GRM5: variants seen among roughly 807,000 people sequenced by gnomAD.
GRM5 encodes the protein metabotropic glutamate receptor 5.
In GRM5, 19 loss-of-function variants were observed where a neutral mutation model predicts 83.1. That is an observed-to-expected ratio of 0.23 (90% CI 0.16 to 0.34). The LOEUF is 0.34. Among genes scored for constraint, GRM5 ranks in the 10% least tolerant of loss-of-function variants. The pLI, the probability that GRM5 is intolerant of heterozygous loss-of-function variation, is 1.00. For missense variants in GRM5, 1,160 were observed against 1,588.3 expected (o/e 0.73, Z 4.58); for synonymous variants, 675 against 633.6 (o/e 1.07, Z -0.98).
chr11:88,665,162 TACAC>T (rs1214459891), intron 3 of GRM5, among the ~76,000 whole-genome samples: 2 of 140,910 alleles, frequency 1.4e-5, no homozygotes, highest in Non-Finnish European at 3.1e-5. Flanking sequence ...TTAATTTATT[TACAC>T]ACACACACAC....
chr11:88,578,757 A>G (rs1943166422), intron 7 of GRM5, among the ~76,000 whole-genome samples: 1 of 152,188 alleles, frequency 6.6e-6, no homozygotes, highest in Non-Finnish European at 1.5e-5. Context: ...TTTAGAATTT[A>G]TCAATGTGTA....
intron 2 of GRM5, among the ~76,000 whole-genome samples, chr11:88,864,206 G>A (rs1441808717): frequency 4.0e-5 from 6 of 150,438 alleles, no homozygotes; most frequent in East Asian, 2.0e-4. Flanking sequence ...GGGAGGGCAA[G>A]TAGGCTAAGA....
intron 2 of GRM5, among the ~76,000 whole-genome samples, chr11:88,935,606 G>T (rs553109671): frequency 5.3e-5 from 8 of 151,950 alleles, no homozygotes; most frequent in African/African-American, 1.7e-4. Flanking sequence ...AGAGTGTGAT[G>T]GTCAAAAGTC....
chr11:89,028,480 G>C (rs1201113346), intron 2 of GRM5, among the ~76,000 whole-genome samples: 1 of 152,002 alleles, frequency 6.6e-6, no homozygotes, highest in Non-Finnish European at 1.5e-5. Context: ...TCTAGATCAG[G>C]GACTGAGAAA....
intron 8 of GRM5, among the ~76,000 whole-genome samples, chr11:88,537,899 A>G (rs950791523): frequency 2.0e-5 from 3 of 152,200 alleles, no homozygotes; most frequent in Admixed American, 1.3e-4. Context: ...ATTGCCAGGT[A>G]ACATATTTCA....
intron 2 of GRM5, among the ~76,000 whole-genome samples, chr11:88,936,698 C>A (rs1937907081): frequency 6.6e-6 from 1 of 151,736 alleles, no homozygotes; most frequent in South Asian, 2.1e-4. Context: ...AAACTGATAA[C>A]TTTAAACAGT....
At chr11:88,597,107 A>C (rs1937830528) in intron 6 of GRM5, 77 bp downstream of exon 6, 1 of 931,060 alleles carries the variant, frequency 1.1e-6, no homozygotes, top group South Asian at 2.0e-5. Flanking sequence ...AGTGTCTAAA[A>C]TTTTTAAAAA....
chr11:88,538,132 C>T (rs1942179614), intron 8 of GRM5, among the ~76,000 whole-genome samples: 1 of 149,988 alleles, frequency 6.7e-6, no homozygotes, highest in Non-Finnish European at 1.5e-5. Context: ...AAAGAACAAA[C>T]CAACCACGGG....
intron 2 of GRM5, among the ~76,000 whole-genome samples, chr11:88,888,181 T>A (rs1164531175): frequency 6.6e-6 from 1 of 152,182 alleles, no homozygotes; most frequent in Non-Finnish European, 1.5e-5. Flanking sequence ...TTAGGCCAAT[T>A]TTCTAATGAC....
At chr11:88,711,608 A>G (rs1217794509) in intron 3 of GRM5, among the ~76,000 whole-genome samples, 1 of 152,092 alleles carries the variant, frequency 6.6e-6, no homozygotes, top group African/African-American at 2.4e-5. Context: ...TAAACAAGTC[A>G]TATCATCTCT....
intron 2 of GRM5, among the ~76,000 whole-genome samples, chr11:89,037,163 T>C (rs1358386540): frequency 9.9e-5 from 15 of 152,124 alleles, no homozygotes; most frequent in Admixed American, 9.8e-4. Context: ...TACCTGTATG[T>C]CTCTGTGTAT....
intron 2 of GRM5, among the ~76,000 whole-genome samples, chr11:88,958,403 TA>T (rs1938689355): frequency 3.3e-5 from 5 of 151,764 alleles, no homozygotes; most frequent in South Asian, 2.1e-4. Context: ...TTTTGAAACA[TA>T]AAAAAATTAA....
intron 8 of GRM5, among the ~76,000 whole-genome samples, chr11:88,553,184 ATTAG>A (rs1191392860): frequency 6.6e-6 from 1 of 152,100 alleles, no homozygotes; most frequent in African/African-American, 2.4e-5. Context: ...TTGTGTTTTT[ATTAG>A]TTAATCAATC....
At chr11:88,797,492 C>T (rs940598746) in intron 3 of GRM5, among the ~76,000 whole-genome samples, 5 of 152,136 alleles carry the variant, frequency 3.3e-5, no homozygotes. Flanking sequence ...GAGAAAATGC[C>T]AGATATAATA....
Position 88,657,069 on chromosome 11 carries a change from GT to G in GRM5, c.912-3667del, listed in dbSNP as rs75440893. On this transcript the variant is annotated intron_variant, in intron 3 of 9. Transcript: ENST00000305447. ...AAATAAGTTGCATGAATAAAGTGCT[GT>G]TGCTGCAAGTTCAATGTTAGTGAGT... Among the ~76,000 whole-genome samples, 1,576 of 152,234 alleles carry G rather than the reference GT, an allele frequency of 0.01. 45 individuals carry two copies. In the East Asian group the frequency reaches 0.12, roughly 11 times the overall value.
chr11:88,983,391 T>C (rs1322170842), intron 2 of GRM5, among the ~76,000 whole-genome samples: 2 of 152,212 alleles, frequency 1.3e-5, no homozygotes, highest in African/African-American at 4.8e-5. Context: ...CAGAATGTTT[T>C]GGTCAACAAG....
intron 2 of GRM5, among the ~76,000 whole-genome samples, chr11:88,857,556 G>A (rs1351270751): frequency 6.6e-6 from 1 of 152,028 alleles, no homozygotes; most frequent in Non-Finnish European, 1.5e-5. Context: ...AAGCTTGACA[G>A]TGAAGCACCT....
chr11:88,833,926 G>C (rs525214), intron 3 of GRM5, among the ~76,000 whole-genome samples: 1 of 151,882 alleles, frequency 6.6e-6, no homozygotes, highest in East Asian at 1.9e-4. Flanking sequence ...AAAGGTTTTC[G>C]CATGGAAGTG....
intron 2 of GRM5, among the ~76,000 whole-genome samples, chr11:89,043,940 T>C (rs559866235): frequency 3.0e-4 from 46 of 152,250 alleles, no homozygotes; most frequent in Non-Finnish European, 5.6e-4. Flanking sequence ...CCAAGTGCTA[T>C]TGGTCAAAGT....
Sources: allele counts gnomAD v4.1 joint callset (sites outside exome capture counted in the v4.1 genomes callset), GRCh38; gene constraint gnomAD v4.1.1; transcripts MANE v1.5; gene names NCBI Gene and HGNC (gene_info 2026-07-23, HGNC 2026-07-21).